Variants in SORCS2 observed in about 807,000 individuals in gnomAD.
SORCS2 encodes the protein sortilin related VPS10 domain containing receptor 2, also known as VPS10 domain-containing receptor SorCS2.
SORCS2 carries 100 observed loss-of-function variants against 141.6 expected under a neutral mutation model. The ratio of observed to expected loss-of-function variants is 0.71; its 90% confidence interval spans 0.60 to 0.83. The LOEUF (loss-of-function observed/expected upper bound fraction) is 0.83, where lower values mean the gene tolerates loss of function less well. Among genes scored for constraint, SORCS2 ranks in the 40% least tolerant of loss-of-function variants. SORCS2 has a pLI of 0.00. For synonymous variants in SORCS2, 789 were observed against 676.9 expected (o/e 1.17, Z -2.57); for missense variants, 1,646 against 1,560.2 (o/e 1.05, Z -0.93).
chr4:7,504,170 C>T (rs935028789), intron 2 of SORCS2, among the ~76,000 whole-genome samples: 5 of 152,328 alleles, frequency 3.3e-5, no homozygotes, highest in African/African-American at 1.2e-4. Flanking sequence ...CTCAGGGACC[C>T]TTGGGAATCA....
At chr4:7,490,307 C>T (rs775574449) in intron 2 of SORCS2, among the ~76,000 whole-genome samples, 14 of 152,150 alleles carry the variant, frequency 9.2e-5, no homozygotes, top group African/African-American at 1.4e-4. Context: ...CAGGACAGTG[C>T]GGGGTCCCAG....
intron 3 of SORCS2, among the ~76,000 whole-genome samples, chr4:7,615,913 T>C (rs1718729033): frequency 1.3e-5 from 2 of 152,228 alleles, no homozygotes; most frequent in South Asian, 2.1e-4. Flanking sequence ...ACAGTTAAAT[T>C]TGAATTTTAT....
intron 3 of SORCS2, among the ~76,000 whole-genome samples, chr4:7,592,686 T>C (rs1716999698): frequency 6.6e-6 from 1 of 152,230 alleles, no homozygotes. Flanking sequence ...GCCAACCCAC[T>C]ATGGACAAAT....
chr4:7,459,056 C>T (rs1045155483), intron 2 of SORCS2, among the ~76,000 whole-genome samples: 1 of 151,888 alleles, frequency 6.6e-6, no homozygotes, highest in Admixed American at 6.6e-5. Flanking sequence ...AAGGCCACGT[C>T]CTCCCCGATA....
At chr4:7,278,432 C>T (rs1715655739) in intron 1 of SORCS2, among the ~76,000 whole-genome samples, 1 of 152,152 alleles carries the variant, frequency 6.6e-6, no homozygotes. Context: ...ATTGCGATGT[C>T]CCAAGAGTTG....
intron 1 of SORCS2, among the ~76,000 whole-genome samples, chr4:7,385,872 C>T (rs913448379): frequency 5.9e-5 from 9 of 152,204 alleles, no homozygotes; most frequent in African/African-American, 1.9e-4. Context: ...AAAGGAAATG[C>T]ACACTTATTG....
intron 10 of SORCS2, among the ~76,000 whole-genome samples, chr4:7,685,200 G>A (rs188020235): frequency 4.3e-4 from 65 of 152,350 alleles, no homozygotes; most frequent in South Asian, 2.1e-3. Flanking sequence ...TCTTGTCTGC[G>A]ATTATGCAGC....
At chr4:7,607,158 G>A (rs1413655233) in intron 3 of SORCS2, among the ~76,000 whole-genome samples, 3 of 152,124 alleles carry the variant, frequency 2.0e-5, no homozygotes, top group East Asian at 1.9e-4. Flanking sequence ...CAAGAGTTAC[G>A]CTTATGAAGC....
intron 4 of SORCS2, among the ~76,000 whole-genome samples, chr4:7,645,234 G>A (rs954517606): frequency 1.8e-4 from 27 of 152,098 alleles, no homozygotes; most frequent in Admixed American, 7.2e-4. Context: ...TGAGTCACTC[G>A]GATGACCCAG....
intron 3 of SORCS2, among the ~76,000 whole-genome samples, chr4:7,567,876 C>T (rs1057124049): frequency 8.1e-4 from 124 of 152,152 alleles, no homozygotes; most frequent in African/African-American, 2.8e-3. Flanking sequence ...AGCTATAATC[C>T]AATAGTACCT....
chr4:7,652,729 G>C (rs1721521765), intron 4 of SORCS2, among the ~76,000 whole-genome samples: 1 of 149,542 alleles, frequency 6.7e-6, no homozygotes, highest in South Asian at 2.1e-4. Flanking sequence ...CCTCCTCAGG[G>C]CTCCCTGCCT....
chr4:7,284,379 C>G (rs763586976), intron 1 of SORCS2, among the ~76,000 whole-genome samples: 2 of 152,240 alleles, frequency 1.3e-5, no homozygotes, highest in African/African-American at 2.4e-5. Flanking sequence ...CTCCCTGAGC[C>G]TGTTTCCTTG....
chr4:7,427,848 C>T (rs76814419), intron 2 of SORCS2, among the ~76,000 whole-genome samples: 7 of 113,534 alleles, frequency 6.2e-5, no homozygotes, highest in Admixed American at 1.8e-4. Flanking sequence ...CCACCGCCCC[C>T]CCGCCCCCCC....
At chr4:7,412,615 C>CTGAT (rs1725390317) in intron 2 of SORCS2, among the ~76,000 whole-genome samples, 7 of 152,238 alleles carry the variant, frequency 4.6e-5, no homozygotes, top group Middle Eastern at 6.8e-3. Context: ...TGAGAATCGT[C>CTGAT]TCTCAGGGTT....
intron 1 of SORCS2, among the ~76,000 whole-genome samples, chr4:7,270,344 C>A (rs569967002): frequency 6.6e-6 from 1 of 152,274 alleles, no homozygotes; most frequent in South Asian, 2.1e-4. Flanking sequence ...CAGCTCCCCA[C>A]GGCTGCGTTC....
intron 1 of SORCS2, among the ~76,000 whole-genome samples, chr4:7,356,446 A>G (rs115392396): frequency 2.2e-3 from 332 of 152,222 alleles, no homozygotes; most frequent in Non-Finnish European, 1.8e-3. Flanking sequence ...TCTTCCCACC[A>G]TATCCTCACA....
At chr4:7,258,566 T>C (rs1714079949) in intron 1 of SORCS2, among the ~76,000 whole-genome samples, 1 of 152,220 alleles carries the variant, frequency 6.6e-6, no homozygotes, top group Non-Finnish European at 1.5e-5. Context: ...TTTGGGCTGG[T>C]TCCAAGTCTT....
chr4:7,600,648 TATATATATACAC>T (rs1008920962), intron 3 of SORCS2, among the ~76,000 whole-genome samples: 12 of 92,858 alleles, frequency 1.3e-4, no homozygotes, highest in African/African-American at 6.3e-4. Flanking sequence ...ACGATATACA[TATATATATACAC>T]ACACACACAC....
chr4:7,487,563 A>C (rs1461881002), intron 2 of SORCS2, among the ~76,000 whole-genome samples: 1 of 152,138 alleles, frequency 6.6e-6, no homozygotes, highest in African/African-American at 2.4e-5. Context: ...CACTAGAGAG[A>C]GCGCGCTGCA....
Sources: gnomAD v4.1 joint callset for allele counts (sites outside exome capture counted in the v4.1 genomes callset) on GRCh38, gnomAD v4.1.1 for gene constraint, MANE v1.5 for transcripts, NCBI Gene and HGNC (gene_info 2026-07-23, HGNC 2026-07-21) for gene names.